The following CSNK1A1 variants were observed in gnomAD, a reference collection of about 807,000 sequenced individuals.
CSNK1A1 encodes casein kinase I isoform alpha.
Under a neutral mutation model 46.1 loss-of-function variants are expected in CSNK1A1, and 7 were observed. The ratio of observed to expected loss-of-function variants is 0.15; its 90% CI spans 0.09 to 0.29. The LOEUF is 0.29. CSNK1A1 is among the 10% of genes least tolerant of loss of function. The pLI, the probability that CSNK1A1 is intolerant of heterozygous loss-of-function variation, is 1.00. For missense variants in CSNK1A1, 96 were observed against 417.1 expected, an observed-to-expected ratio of 0.23 and a Z score of 6.71; for synonymous variants, 137 against 141.5, an observed-to-expected ratio of 0.97 and a Z score of 0.23.
At chr5:149,497,736 C>CTAGAA in intron 9 of CSNK1A1, 1 of 985,486 alleles carries the variant, frequency 1.0e-6, no homozygotes, top group Non-Finnish European at 1.2e-6. Context: ...TACAAATGAG[C>CTAGAA]TAGAAACTAT....
intron 2 of CSNK1A1, among the ~76,000 whole-genome samples, chr5:149,538,582 A>G (rs947647189): frequency 6.6e-6 from 1 of 152,228 alleles, no homozygotes; most frequent in African/African-American, 2.4e-5. Flanking sequence ...CTTGGTGGTA[A>G]TAATTTCAAT....
rs1246289597 is a variant in CSNK1A1 at position 149,525,291 on chromosome 5, T to C, written c.231-120A>G. The C allele has an allele frequency of 2.9e-6, 3 of 1,038,648 alleles. No homozygotes were observed. Among genetic ancestry groups the C allele is most frequent in the East Asian group, 5.7e-5 (2 of 34,808 alleles). 64.3% of individuals were successfully genotyped at this position (1,038,648 alleles called of 1,614,324 possible). A position where few individuals can be genotyped will look rare whatever the true frequency, so the allele number is the denominator to read the frequency against. ...GTATTATATAAGGCGAATGTTCCCC[T>C]ACTCAGAAGACAAACCCACTAATTA... On this transcript the variant is annotated intron_variant, in intron 2 of 9. Transcript: ENST00000377843. This position sits in a 1 kb window ranked among gnomAD's most constrained non-coding sequence, Gnocchi z 4.2.
intron 2 of CSNK1A1, among the ~76,000 whole-genome samples, chr5:149,536,591 C>T (rs1401450424): frequency 2.0e-5 from 3 of 152,080 alleles, no homozygotes; most frequent in East Asian, 3.9e-4. Context: ...GCCTGGGCTG[C>T]AAACATACAG....
intron 2 of CSNK1A1, among the ~76,000 whole-genome samples, chr5:149,541,537 G>C (rs981471210): frequency 6.6e-6 from 1 of 152,116 alleles, no homozygotes; most frequent in Non-Finnish European, 1.5e-5. Context: ...CATTTTACCT[G>C]TGTGCATACA....
intron 3 of CSNK1A1, among the ~76,000 whole-genome samples, chr5:149,524,099 T>C (rs915189884): frequency 1.3e-5 from 2 of 152,210 alleles, no homozygotes; most frequent in African/African-American, 2.4e-5. Context: ...AGGTAAGTGA[T>C]AAAGTAAATA....
At chr5:149,510,026 G>A (rs2113082245) in intron 6 of CSNK1A1, 73 bp from the exon 7 acceptor site, 1 of 1,010,118 alleles carries the variant, frequency 9.9e-7, no homozygotes, top group Non-Finnish European at 1.5e-6. Context: ...TAACGCACTA[G>A]ACATATAAAC....
At chr5:149,529,829 G>A in intron 2 of CSNK1A1, 2 of 435,292 alleles carry the variant, frequency 4.6e-6, no homozygotes, top group Admixed American at 2.5e-5. Context: ...AGGACCAGGG[G>A]AAGGAATGAC....
intron 2 of CSNK1A1, chr5:149,549,393 G>T (rs1762587109): frequency 1.5e-6 from 1 of 678,442 alleles, no homozygotes; most frequent in Admixed American, 2.0e-5. Context: ...CAACAATTTC[G>T]TGTCACATCT....
At chr5:149,514,074 G>C (rs1426177393) in intron 4 of CSNK1A1, among the ~76,000 whole-genome samples, 2 of 151,952 alleles carry the variant, frequency 1.3e-5, no homozygotes, top group Non-Finnish European at 2.9e-5. Flanking sequence ...TATACAAATG[G>C]GTCAGGTTAA....
intron 7 of CSNK1A1, among the ~76,000 whole-genome samples, chr5:149,508,183 T>C (rs1436043688): frequency 2.6e-5 from 4 of 152,204 alleles, no homozygotes; most frequent in African/African-American, 4.8e-5. Context: ...TCTCATGTCC[T>C]GGAGTTAGGA....
At position 149,503,820 on chromosome 5, in the gene CSNK1A1, A is replaced by G. The variant is rs369907668; in HGVS notation, c.1006+1627T>C. 5.1e-6 allele frequency: 5 copies of G among 985,442 alleles called. No individual in the cohort carries two copies. The African/African-American group carries it at 8.7e-5, about 17-fold the overall frequency. 61.0% of individuals were successfully genotyped at this position (985,442 alleles called of 1,614,324 possible). Reference sequence around the variant, plus strand: ...TTTCTGAAATCTGCTGAATGCCTGAAGTAAAATGTTCTAGGTCAGAAGAGA... The same window carrying G: ...TTTCTGAAATCTGCTGAATGCCTGAGGTAAAATGTTCTAGGTCAGAAGAGA... On this transcript the variant is annotated intron_variant, in intron 9 of 9. Transcript: ENST00000377843.
chr5:149,544,758 T>TATATATATATACACACAC (rs150989849), intron 2 of CSNK1A1, among the ~76,000 whole-genome samples: 4 of 129,284 alleles, frequency 3.1e-5, no homozygotes, highest in African/African-American at 1.3e-4. Flanking sequence ...TATATATATA[T>TATATATATATACACACAC]ATATATAGTT....
At chr5:149,533,165 A>G (rs1423416226) in intron 2 of CSNK1A1, among the ~76,000 whole-genome samples, 1 of 152,202 alleles carries the variant, frequency 6.6e-6, no homozygotes, top group Non-Finnish European at 1.5e-5. Flanking sequence ...ATAAAAACAA[A>G]CAAAAAAAAC....
chr5:149,520,714 A>G (rs1403018181), intron 3 of CSNK1A1, among the ~76,000 whole-genome samples: 2 of 152,228 alleles, frequency 1.3e-5, no homozygotes, highest in South Asian at 2.1e-4. Flanking sequence ...AATAAAGGAA[A>G]TAAAATAAAA....
At chr5:149,511,916 G>GA in intron 5 of CSNK1A1, 44 bp from the exon 6 acceptor site, 1 of 1,437,454 alleles carries the variant, frequency 7.0e-7, no homozygotes, top group East Asian at 2.3e-5. Flanking sequence ...CTATTATTAT[G>GA]AAAAAACATA....
At chr5:149,503,712 G>A (rs1182163171) in intron 9 of CSNK1A1, 1 of 985,192 alleles carries the variant, frequency 1.0e-6, no homozygotes, top group Non-Finnish European at 1.2e-6. Flanking sequence ...ACATGGATAG[G>A]GCAGGACACA....
rs1039059337 is a variant in CSNK1A1 at position 149,517,676 on chromosome 5, T to C, written c.456+2614A>G. The C allele has an allele frequency of 1.5e-5, 10 of 655,976 alleles. No individual in the cohort carries two copies. The highest frequency in any genetic ancestry group is 9.2e-5 in the African/African-American group (5 of 54,588). 40.6% of individuals were successfully genotyped at this position (655,976 alleles called of 1,614,324 possible). On this transcript the variant is annotated intron_variant, in intron 4 of 9. Transcript: ENST00000377843. The surrounding 1 kb of genome is among the most constrained non-coding windows in gnomAD (Gnocchi z 4.4). Reference sequence around the variant, plus strand: ...TGAATAATGCCAACGTAAGAGGTGCTTGAGCAAGATCTACATTCTCCAGAA... The same window carrying C: ...TGAATAATGCCAACGTAAGAGGTGCCTGAGCAAGATCTACATTCTCCAGAA...
intron 2 of CSNK1A1, among the ~76,000 whole-genome samples, chr5:149,546,401 G>A (rs921791117): frequency 1.6e-4 from 25 of 152,018 alleles, no homozygotes; most frequent in African/African-American, 5.8e-4. Context: ...TTGAGAGGCC[G>A]AGGCGAGCAG....
intron 2 of CSNK1A1, among the ~76,000 whole-genome samples, chr5:149,544,269 G>T (rs1391275244): frequency 6.6e-6 from 1 of 152,052 alleles, no homozygotes. Context: ...ACACATTAAG[G>T]AACTGACTGA....
Sources: allele counts gnomAD v4.1 joint callset (sites outside exome capture counted in the v4.1 genomes callset), GRCh38; gene constraint gnomAD v4.1.1; non-coding constraint Gnocchi (gnomAD v3.1); transcripts MANE v1.5; gene names NCBI Gene and HGNC (gene_info 2026-07-23, HGNC 2026-07-21).